Variants in STX18 observed in about 807,000 individuals in gnomAD.
STX18 encodes the protein syntaxin-18.
STX18 carries 40 observed loss-of-function variants against 50.1 expected under a neutral mutation model. The ratio of observed to expected loss-of-function variants is 0.80; its 90% CI spans 0.62 to 1.04. The LOEUF (loss-of-function observed/expected upper bound fraction) is 1.04. STX18 is among the 50% of genes least tolerant of loss of function. The pLI is 0.00. For synonymous variants in STX18, 158 were observed against 151.8 expected, an observed-to-expected ratio of 1.04 and a Z score of -0.30; for missense variants, 410 against 415.8, an observed-to-expected ratio of 0.99 and a Z score of 0.12.
At chr4:4,535,247 C>CT (rs1387719995) in intron 1 of STX18, among the ~76,000 whole-genome samples, 4 of 152,286 alleles carry the variant, frequency 2.6e-5, no homozygotes, top group African/African-American at 7.2e-5. Context: ...CCCACAATGC[C>CT]TGACACACCA....
chr4:4,420,176 G>A lies in STX18; in HGVS notation c.913-47C>T, dbSNP rs1405986355. 1.3e-6 allele frequency: 2 copies of A among 1,521,628 alleles called. No homozygotes were observed. The highest frequency in any genetic ancestry group is 1.8e-6 in the Non-Finnish European group (2 of 1,118,394). 94.3% of individuals were successfully genotyped at this position (1,521,628 alleles called of 1,614,324 possible). Reference sequence around the variant, plus strand: ...GGTGTTTTTATCACACAGGATTTTGGTTTGAGCAGCCCTGAAATGCCCCCC... The same window carrying A: ...GGTGTTTTTATCACACAGGATTTTGATTTGAGCAGCCCTGAAATGCCCCCC... On this transcript the variant is annotated intron_variant, in intron 10 of 10. Coordinates refer to ENST00000306200, the MANE Select transcript of STX18 (RefSeq NM_016930.4). The surrounding 1 kb of genome is among the most constrained non-coding windows in gnomAD (Gnocchi z 4.3).
Position 4,419,923 on chromosome 4 carries a change from T to C in STX18, c.*111A>G, listed in dbSNP as rs576998700. 5 of 874,928 alleles carry C rather than the reference T, an allele frequency of 5.7e-6. No individual in the cohort carries two copies. In the African/African-American group the frequency reaches 6.7e-5, roughly 12 times the overall value. 54.2% of individuals were successfully genotyped at this position (874,928 alleles called of 1,614,324 possible). Reference sequence around the variant, plus strand: ...CTGTCTGAACTCCTTTCCCTTCAAATGGCACTGTGATAAAATCTGGTCATA... The same window carrying C: ...CTGTCTGAACTCCTTTCCCTTCAAACGGCACTGTGATAAAATCTGGTCATA... On this transcript the variant is annotated 3_prime_UTR_variant, in exon 11 of 11. Coordinates refer to ENST00000306200, the MANE Select transcript of STX18 (RefSeq NM_016930.4).
intron 1 of STX18, among the ~76,000 whole-genome samples, chr4:4,540,146 A>G (rs1731515126): frequency 6.6e-6 from 1 of 151,996 alleles, no homozygotes; most frequent in South Asian, 2.1e-4. Context: ...AGTTTTTTAA[A>G]AGGAGGAGGA....
At chr4:4,440,847 GATTT>G (rs1726066173) in intron 5 of STX18, among the ~76,000 whole-genome samples, 1 of 152,216 alleles carries the variant, frequency 6.6e-6, no homozygotes. Context: ...GAAACAGTGA[GATTT>G]ATTACTGATC....
At chr4:4,518,971 G>A (rs183756727) in intron 1 of STX18, among the ~76,000 whole-genome samples, 2 of 152,220 alleles carry the variant, frequency 1.3e-5, no homozygotes, top group East Asian at 3.9e-4. Flanking sequence ...GATGTTTTAT[G>A]GTTCTTTTAG....
At chr4:4,495,414 G>A (rs908871336) in intron 1 of STX18, among the ~76,000 whole-genome samples, 1 of 151,836 alleles carries the variant, frequency 6.6e-6, no homozygotes. Flanking sequence ...TCTGAGACAA[G>A]GTCTTCCTCC....
intron 1 of STX18, among the ~76,000 whole-genome samples, chr4:4,515,229 T>C (rs1287769755): frequency 2.0e-5 from 3 of 152,124 alleles, no homozygotes; most frequent in Admixed American, 6.5e-5. Flanking sequence ...GAAAAATTCA[T>C]GGTCTAATAT....
chr4:4,420,334 G>A lies in STX18; in HGVS notation c.913-205C>T. 1 of 561,236 alleles carries A rather than the reference G, an allele frequency of 1.8e-6. No individual in the cohort carries two copies. The highest frequency in any genetic ancestry group is 3.2e-6 in the Non-Finnish European group (1 of 311,354). The allele number at this position is 561,236 out of a possible 1,614,324, so 34.8% of individuals were successfully genotyped here. A position where few individuals can be genotyped will look rare whatever the true frequency, so the allele number is the denominator to read the frequency against. On this transcript the variant is annotated intron_variant, in intron 10 of 10. Transcript: ENST00000306200. This position sits in a 1 kb window ranked among gnomAD's most constrained non-coding sequence, Gnocchi z 4.3. ...ATTTCCCTCTGTTTGGCCATCATTTGGGTCCTGCACAATTCTCCCTCAACA... is the reference window on the plus strand; with the variant it reads ...ATTTCCCTCTGTTTGGCCATCATTTAGGTCCTGCACAATTCTCCCTCAACA...
intron 5 of STX18, among the ~76,000 whole-genome samples, chr4:4,442,386 G>A (rs941100707): frequency 5.3e-5 from 8 of 152,102 alleles, no homozygotes. Context: ...CACTTTGGGA[G>A]GCCGAGGAGG....
intron 2 of STX18, among the ~76,000 whole-genome samples, chr4:4,471,109 A>C (rs1577352007): frequency 6.6e-6 from 1 of 152,214 alleles, no homozygotes; most frequent in African/African-American, 2.4e-5. Flanking sequence ...AGGTGTCAAA[A>C]GCCTGGGAGA....
intron 2 of STX18, among the ~76,000 whole-genome samples, chr4:4,467,689 T>C (rs1334697696): frequency 8.1e-6 from 1 of 123,026 alleles, no homozygotes; most frequent in Non-Finnish European, 1.6e-5. Context: ...AACTGGTGCT[T>C]ATCAGAGTAC....
intron 1 of STX18, among the ~76,000 whole-genome samples, chr4:4,527,787 A>ATTTTATATATATATATGT (rs1553851908): frequency 1.4e-5 from 2 of 145,670 alleles, no homozygotes; most frequent in Admixed American, 6.8e-5. Flanking sequence ...TATATATATA[A>ATTTTATATATATATATGT]TTTTATATAT....
chr4:4,531,131 T>A (rs1020259530), intron 1 of STX18, among the ~76,000 whole-genome samples: 1 of 150,150 alleles, frequency 6.7e-6, no homozygotes, highest in African/African-American at 2.5e-5. Flanking sequence ...TTACAACACA[T>A]CCTTTGGCAT....
At chr4:4,509,074 T>C (rs1220658270) in intron 1 of STX18, among the ~76,000 whole-genome samples, 3 of 152,234 alleles carry the variant, frequency 2.0e-5, no homozygotes, top group Non-Finnish European at 4.4e-5. Flanking sequence ...TTTGGATAGA[T>C]ACCCACTAAT....
intron 1 of STX18, among the ~76,000 whole-genome samples, chr4:4,499,181 A>G (rs1352074595): frequency 6.6e-6 from 1 of 152,256 alleles, no homozygotes; most frequent in Non-Finnish European, 1.5e-5. Flanking sequence ...ATTAATGCAC[A>G]ACCCATTTCA....
intron 1 of STX18, among the ~76,000 whole-genome samples, chr4:4,526,220 C>T (rs1284663089): frequency 6.6e-6 from 1 of 152,194 alleles, no homozygotes; most frequent in Non-Finnish European, 1.5e-5. Context: ...ACTGTGTCAG[C>T]TCAGGCACAA....
intron 1 of STX18, among the ~76,000 whole-genome samples, chr4:4,495,538 G>A (rs1177843998): frequency 6.7e-6 from 1 of 149,744 alleles, no homozygotes; most frequent in South Asian, 2.2e-4. Flanking sequence ...ACAGGCACGC[G>A]TGTCTGGCTA....
chr4:4,533,636 C>T (rs202116437), intron 1 of STX18, among the ~76,000 whole-genome samples: 2 of 152,304 alleles, frequency 1.3e-5, no homozygotes, highest in East Asian at 3.9e-4. Context: ...CTGATATCTG[C>T]CCTAACAGAT....
chr4:4,507,166 G>C (rs1021003737), intron 1 of STX18: 21 of 566,958 alleles, frequency 3.7e-5, no homozygotes, highest in African/African-American at 3.5e-4. Context: ...AGTACAAGAC[G>C]GCATGACACT....
Sources: gnomAD v4.1 joint callset for allele counts (sites outside exome capture counted in the v4.1 genomes callset) on GRCh38, gnomAD v4.1.1 for gene constraint, Gnocchi (gnomAD v3.1) non-coding constraint, MANE v1.5 for transcripts, NCBI Gene and HGNC (gene_info 2026-07-23, HGNC 2026-07-21) for gene names.